ALK: variants seen among roughly 807,000 people sequenced by gnomAD.
ALK encodes the protein ALK receptor tyrosine kinase.
ALK carries 74 observed loss-of-function variants against 163.1 expected under a neutral mutation model. The observed-to-expected ratio is 0.45, with a 90% CI of 0.38 to 0.55. ALK has a LOEUF of 0.55. ALK is among the 20% of genes least tolerant of loss of function. The probability of loss-of-function intolerance (pLI) is 0.00; values close to 1 mark genes in which losing one functional copy is unlikely to be tolerated. For synonymous variants in ALK, 960 were observed against 843.2 expected (o/e 1.14, Z -2.40); for missense variants, 2,063 against 2,105.3 (o/e 0.98, Z 0.39).
intron 3 of ALK, among the ~76,000 whole-genome samples, chr2:29,537,096 G>T (rs10779970): frequency 0.71 from 108,367 of 152,190 alleles, 40,652 homozygotes; most frequent in Non-Finnish European, 0.84. Context: ...AGACTACTCA[G>T]GTAGTAGAAA....
intron 25 of ALK, among the ~76,000 whole-genome samples, chr2:29,209,364 A>C (rs1019329535): frequency 2.0e-5 from 3 of 152,018 alleles, no homozygotes; most frequent in Non-Finnish European, 2.9e-5. Context: ...AACATGGAGA[A>C]ACCTCGTCTC....
chr2:29,851,734 C>G (rs1355020841), intron 1 of ALK, among the ~76,000 whole-genome samples: 1 of 152,222 alleles, frequency 6.6e-6, no homozygotes, highest in African/African-American at 2.4e-5. Context: ...AGACACACTT[C>G]CATGAGAACA....
At chr2:29,481,997 C>A (rs747949202) in intron 4 of ALK, among the ~76,000 whole-genome samples, 43 of 152,324 alleles carry the variant, frequency 2.8e-4, no homozygotes, top group Non-Finnish European at 4.3e-4. Flanking sequence ...AGTGGACCTA[C>A]GAGGAAACCT....
chr2:29,692,194 C>T lies in ALK; in HGVS notation c.952+2656G>A, dbSNP rs189617958. Among the ~76,000 whole-genome samples, 1,304 of 152,050 alleles carry T rather than the reference C, an allele frequency of 8.6e-3. 16 individuals carry two copies. Among genetic ancestry groups the T allele is most frequent in the South Asian group, 0.044 (211 of 4,810 alleles). Reference sequence around the variant, plus strand: ...TGCTGTATTTAATTCACCAGACAGACAAAAAAATACAGCCTGACAATAGCA... The same window carrying T: ...TGCTGTATTTAATTCACCAGACAGATAAAAAAATACAGCCTGACAATAGCA... On this transcript the variant is annotated intron_variant, in intron 3 of 28. Coordinates refer to ENST00000389048, the MANE Select transcript of ALK (RefSeq NM_004304.5).
At chr2:29,616,414 G>A (rs1166398078) in intron 3 of ALK, among the ~76,000 whole-genome samples, 2 of 152,194 alleles carry the variant, frequency 1.3e-5, no homozygotes, top group African/African-American at 4.8e-5. Flanking sequence ...GTAGGCTCAG[G>A]TTTTGAACTT....
intron 2 of ALK, among the ~76,000 whole-genome samples, chr2:29,701,219 C>T (rs777697861): frequency 3.9e-5 from 6 of 152,214 alleles, no homozygotes; most frequent in Non-Finnish European, 7.3e-5. Context: ...GATCAAGGCC[C>T]TTTATGCCTC....
chr2:29,663,582 CT>C (rs1395282302), intron 3 of ALK, among the ~76,000 whole-genome samples: 1 of 152,110 alleles, frequency 6.6e-6, no homozygotes, highest in Non-Finnish European at 1.5e-5. Context: ...GAGAACCAGA[CT>C]GTATTTTGGA....
intron 1 of ALK, among the ~76,000 whole-genome samples, chr2:29,797,164 A>C (rs1424674218): frequency 6.6e-6 from 1 of 152,178 alleles, no homozygotes; most frequent in Non-Finnish European, 1.5e-5. Flanking sequence ...ATTTTAAAAA[A>C]ATTAAAAACA....
chr2:29,214,849 A>G (rs1478924035), intron 23 of ALK, among the ~76,000 whole-genome samples: 1 of 152,052 alleles, frequency 6.6e-6, no homozygotes, highest in Non-Finnish European at 1.5e-5. Context: ...GTGTTGTTCC[A>G]TGTTGATTTC....
intron 1 of ALK, among the ~76,000 whole-genome samples, chr2:29,896,358 G>A (rs533546329): frequency 3.3e-5 from 5 of 152,218 alleles, no homozygotes; most frequent in East Asian, 1.9e-4. Flanking sequence ...GCTGAGTCAC[G>A]TTCATTCATC....
chr2:29,590,116 T>C (rs1675005641), intron 3 of ALK, among the ~76,000 whole-genome samples: 1 of 152,188 alleles, frequency 6.6e-6, no homozygotes, highest in South Asian at 2.1e-4. Flanking sequence ...CTTGAATACA[T>C]CTCCAGGGCC....
At chr2:29,238,013 G>A (rs539918377) in intron 13 of ALK, among the ~76,000 whole-genome samples, 1 of 152,260 alleles carries the variant, frequency 6.6e-6, no homozygotes, top group Admixed American at 6.5e-5. Context: ...AAGCAAAGAC[G>A]GAGGGCTGTG....
At chr2:29,896,497 A>G (rs1047651167) in intron 1 of ALK, among the ~76,000 whole-genome samples, 4 of 152,302 alleles carry the variant, frequency 2.6e-5, no homozygotes, top group African/African-American at 9.6e-5. Context: ...TAAGAAGAGG[A>G]AGAGACAAAG....
At chr2:29,818,936 G>GT (rs1432423755) in intron 1 of ALK, among the ~76,000 whole-genome samples, 2 of 152,218 alleles carry the variant, frequency 1.3e-5, no homozygotes, top group African/African-American at 4.8e-5. Flanking sequence ...TAGGCAGAAG[G>GT]TTTGCTTTTT....
At chr2:29,278,216 T>C (rs1318754136) in intron 9 of ALK, among the ~76,000 whole-genome samples, 1 of 152,060 alleles carries the variant, frequency 6.6e-6, no homozygotes, top group Non-Finnish European at 1.5e-5. Context: ...GTGAGGGCCA[T>C]GTGGGCAGGG....
intron 4 of ALK, among the ~76,000 whole-genome samples, chr2:29,393,807 T>C (rs1669238411): frequency 6.6e-6 from 1 of 152,248 alleles, no homozygotes; most frequent in African/African-American, 2.4e-5. Flanking sequence ...ACTCATTAAG[T>C]GGATGAAATA....
Position 29,422,480 on chromosome 2 carries a change from A to G in ALK, c.1155-38621T>C, listed in dbSNP as rs553657814. ...GTGCAAAATAATGGCAAAAGCCACA[A>G]TTACTTTTGCACCAACCTAATACCA... On this transcript the variant is annotated intron_variant, in intron 4 of 28. Coordinates refer to ENST00000389048, the MANE Select transcript of ALK (RefSeq NM_004304.5). Among the ~76,000 whole-genome samples the G allele has an allele frequency of 9.6e-4, 141 of 147,208 alleles. 3 individuals are homozygous for G. The highest frequency in any genetic ancestry group is 8.7e-3 in the South Asian group (42 of 4,824).
chr2:29,630,170 G>C (rs1676318621), intron 3 of ALK, among the ~76,000 whole-genome samples: 1 of 152,136 alleles, frequency 6.6e-6, no homozygotes, highest in African/African-American at 2.4e-5. Context: ...AAGGACACTT[G>C]ATTGGAGAAC....
intron 4 of ALK, among the ~76,000 whole-genome samples, chr2:29,389,343 G>T (rs1242381138): frequency 6.6e-6 from 1 of 152,200 alleles, no homozygotes; most frequent in African/African-American, 2.4e-5. Context: ...CTTGAGGACG[G>T]GTTGTGAAGA....
Sources: gnomAD v4.1 joint callset for allele counts (sites outside exome capture counted in the v4.1 genomes callset) on GRCh38, gnomAD v4.1.1 for gene constraint, MANE v1.5 for transcripts, NCBI Gene and HGNC (gene_info 2026-07-23, HGNC 2026-07-21) for gene names.